DIRAS3: variants seen among roughly 807,000 people sequenced by gnomAD.
DIRAS3 encodes the protein GTP-binding protein Di-Ras3.
For synonymous variants in DIRAS3, 133 were observed against 131.4 expected, an observed-to-expected ratio of 1.01 and a Z score of -0.08; for missense variants, 248 against 300.6, an observed-to-expected ratio of 0.83 and a Z score of 1.29.
At chr1:68,049,210 G>A (rs1278954151) in intron 1 of DIRAS3, 1 of 152,098 alleles carries the variant, frequency 6.6e-6, no homozygotes, top group Non-Finnish European at 1.5e-5. Context: ...TTGATTAAAG[G>A]GGGCCAGGGA....
Position 68,046,654 on chromosome 1 carries a change from A to C in DIRAS3, c.644T>G (p.Met215Arg), listed in dbSNP as rs758219613. The C allele has an allele frequency of 1.2e-6, 2 of 1,613,986 alleles. No individual in the cohort carries two copies. The highest frequency in any genetic ancestry group is 2.7e-5 in the African/African-American group (2 of 74,910). ...AAGCAGCTTCTCAGTGGTGTTGGGC[A>C]TCTGGGATTTCTTCTCGGGCTCCTG... ...GLQEPEKKSQ[M>R]PNTTEKLLDK... The change falls in exon 2 of 2, where the codon ATG (methionine) becomes AGG (arginine). Residue 215 changes from methionine (M) to arginine (R), a missense_variant. Coordinates refer to ENST00000646789, the MANE Select transcript of DIRAS3 (RefSeq NM_004675.5).
In DIRAS3 at chr1:68,049,963, C is replaced by G. The variant is rs561050549; in HGVS notation, c.-66+585G>C. Among the ~76,000 whole-genome samples, 186 of 150,134 alleles carry G rather than the reference C, an allele frequency of 1.2e-3. 11 individuals are homozygous for G. The highest frequency in any genetic ancestry group is 4.3e-3 in the African/African-American group (173 of 40,076). ...AATTCTCATTCTCAGGCAGTGGACC[C>G]CCCCCCCCACTCCCCTCCACACTCC... is the stretch of plus-strand genomic sequence containing the variant. On this transcript the variant is annotated intron_variant, in intron 1 of 1. Transcript: ENST00000646789.
At position 68,046,624 on chromosome 1, in the gene DIRAS3, T is replaced by C. The variant is rs762814059; in HGVS notation, c.674A>G (p.Lys225Arg). 1.2e-6 allele frequency: 2 copies of C among 1,613,968 alleles called. No homozygotes were observed. The highest frequency in any genetic ancestry group is 1.7e-6 in the Non-Finnish European group (2 of 1,179,970). ...GCCCAGGGCTCACATGATTATGCAC[T>C]TGTCAAGCAGCTTCTCAGTGGTGTT... Reference protein sequence around the residue: ...MPNTTEKLLDKCIIM With the variant: ...MPNTTEKLLDRCIIM Residue 225 changes from lysine (K) to arginine (R), a missense_variant, in exon 2 of 2, where the codon AAG becomes AGG. Lys to Arg is a conservative substitution (Grantham distance 26). Transcript: ENST00000646789.
In DIRAS3 at chr1:68,047,081, T is replaced by C. The variant is rs1243057421; in HGVS notation, c.217A>G (p.Thr73Ala). The C allele has an allele frequency of 6.8e-6, 11 of 1,614,018 alleles. No individual in the cohort carries two copies. The highest frequency in any genetic ancestry group is 9.3e-6 in the Non-Finnish European group (11 of 1,180,026). ...RHEYLPTIEN[T>A]YCQLLGCSHG... ...CTGCAGCCCAGCAACTGGCAGTAGG[T>C]ATTTTCAATGGTCGGCAGGTACTCA... The change falls in exon 2 of 2, where the codon ACC becomes GCC. Residue 73 changes from threonine to alanine, a missense_variant. Thr to Ala is a moderately conservative substitution (Grantham distance 58). Coordinates refer to ENST00000646789, the MANE Select transcript of DIRAS3 (RefSeq NM_004675.5).
chr1:68,048,937 G>T (rs1325736619), intron 1 of DIRAS3, among the ~76,000 whole-genome samples: 4 of 151,726 alleles, frequency 2.6e-5, no homozygotes, highest in Non-Finnish European at 5.9e-5. Flanking sequence ...ACAGGGTTTT[G>T]CTATGTTGTC....
At position 68,046,123 on chromosome 1, in the gene DIRAS3, A is replaced by G. The variant is rs1570735757; in HGVS notation, c.*485T>C. On this transcript the variant is annotated 3_prime_UTR_variant, in exon 2 of 2. Coordinates refer to ENST00000646789, the MANE Select transcript of DIRAS3 (RefSeq NM_004675.5). ...TGCTCCCACACCCCTAATGATCAACATATTCATTTTTTTATTTAGTATATG... is the reference window on the plus strand; with the variant it reads ...TGCTCCCACACCCCTAATGATCAACGTATTCATTTTTTTATTTAGTATATG... 1 of 154,412 alleles carries G rather than the reference A, an allele frequency of 6.5e-6. No homozygotes were observed. The highest frequency in any genetic ancestry group is 2.4e-5 in the African/African-American group (1 of 41,464). 9.6% of individuals were successfully genotyped at this position (154,412 alleles called of 1,614,324 possible).
At position 68,050,222 on chromosome 1, in the gene DIRAS3, C is replaced by T. The variant is rs1330221305; in HGVS notation, c.-66+326G>A. 2.6e-5 allele frequency among the ~76,000 whole-genome samples: 4 copies of T among 152,220 alleles called. No homozygotes were observed. The highest frequency in any genetic ancestry group is 5.9e-5 in the Non-Finnish European group (4 of 68,042). Reference sequence around the variant, plus strand: ...TCAATCTTACTTTCACACTACATGACTCCACTATTACTTCCTGAACACTAG... The same window carrying T: ...TCAATCTTACTTTCACACTACATGATTCCACTATTACTTCCTGAACACTAG... On this transcript the variant is annotated intron_variant, in intron 1 of 1. Transcript: ENST00000646789. The surrounding 1 kb of genome is among the most constrained non-coding windows in gnomAD (Gnocchi z 4.5).
At chr1:68,048,544 G>GT (rs945851616) in intron 1 of DIRAS3, among the ~76,000 whole-genome samples, 1 of 152,104 alleles carries the variant, frequency 6.6e-6, no homozygotes, top group Non-Finnish European at 1.5e-5. Context: ...AGCTATGATT[G>GT]TGTCATGTAC....
Position 68,045,989 on chromosome 1 carries a change from C to T in DIRAS3, c.*619G>A, listed in dbSNP as rs957177011. 6.6e-6 allele frequency: 1 copy of T among 152,238 alleles called. No individual in the cohort carries two copies. The highest frequency in any genetic ancestry group is 2.4e-5 in the African/African-American group (1 of 41,462). 9.4% of individuals were successfully genotyped at this position (152,238 alleles called of 1,614,324 possible). Reference sequence around the variant, plus strand: ...GCATGCAGGAAAAGCTTTATTAAGTCAATAAGCTGTTACACTTTTACAAAC... The same window carrying T: ...GCATGCAGGAAAAGCTTTATTAAGTTAATAAGCTGTTACACTTTTACAAAC... On this transcript the variant is annotated 3_prime_UTR_variant, in exon 2 of 2. Coordinates refer to ENST00000646789, the MANE Select transcript of DIRAS3 (RefSeq NM_004675.5).
chr1:68,046,680 G>A lies in DIRAS3; in HGVS notation c.618C>T (p.Leu206=). ...LNYKKKPTTG[L]QEPEKKSQMP... ...TCTGGGATTTCTTCTCGGGCTCCTG[G>A]AGGCCGGTGGTGGGCTTTTTCTTGT... Residue 206 remains leucine, a synonymous_variant, in exon 2 of 2, where the codon CTC becomes CTT. Transcript: ENST00000646789. The A allele has an allele frequency of 6.2e-7, 1 of 1,614,200 alleles. No homozygotes were observed. Among genetic ancestry groups the A allele is most frequent in the South Asian group, 1.1e-5 (1 of 91,088 alleles).
chr1:68,047,870 G>A (rs1169565660), intron 1 of DIRAS3, among the ~76,000 whole-genome samples: 2 of 150,268 alleles, frequency 1.3e-5, no homozygotes, highest in East Asian at 2.0e-4. Context: ...CAGTGGTGTG[G>A]GATGTAGAGA....
rs1645679441 is a variant in DIRAS3 at position 68,046,978 on chromosome 1, G to A, written c.320C>T (p.Ala107Val). Reference protein sequence around the residue: ...GNRALQRHVIARGHAFVLVYS... With the variant: ...GNRALQRHVIVRGHAFVLVYS... ...GACCAGGACGAAGGCGTGGCCCCGG[G>A]CTATAACGTGGCGCTGCAGAGCGCG... The change falls in exon 2 of 2, where the codon GCC becomes GTC. Residue 107 changes from alanine to valine, a missense_variant. Transcript: ENST00000646789. 2 of 1,614,202 alleles carry A rather than the reference G, an allele frequency of 1.2e-6. No individual in the cohort carries two copies. Among genetic ancestry groups the A allele is most frequent in the Non-Finnish European group, 1.7e-6 (2 of 1,180,026 alleles).
In DIRAS3 at chr1:68,046,502, T is replaced by C. The variant is rs1295621194; in HGVS notation, c.*106A>G. 3 of 1,094,716 alleles carry C rather than the reference T, an allele frequency of 2.7e-6. No homozygotes were observed. The highest frequency in any genetic ancestry group is 2.6e-6 in the Non-Finnish European group (2 of 756,808). 67.8% of individuals were successfully genotyped at this position (1,094,716 alleles called of 1,614,324 possible). ...CGTATTGACAACATGGATGTTACAGTCCAAACAACAGCACAAAATCAACCA... is the reference window on the plus strand; with the variant it reads ...CGTATTGACAACATGGATGTTACAGCCCAAACAACAGCACAAAATCAACCA... On this transcript the variant is annotated 3_prime_UTR_variant, in exon 2 of 2. Transcript: ENST00000646789.
Position 68,047,289 on chromosome 1 carries a change from G to A in DIRAS3, c.9C>T (p.Asn3=), listed in dbSNP as rs758759400. 19 of 1,612,326 alleles carry A rather than the reference G, an allele frequency of 1.2e-5. No homozygotes were observed. The East Asian group carries it at 3.1e-4, about 26-fold the overall frequency. ...TCTGTTCCTTGGAGCCAAAGCTGGCGTTACCCATCGTTGGGATTCGGAGGG... is the reference window on the plus strand; with the variant it reads ...TCTGTTCCTTGGAGCCAAAGCTGGCATTACCCATCGTTGGGATTCGGAGGG... The part of the protein sequence containing the change: MG[N]ASFGSKEQKL... The change falls in exon 2 of 2, where the codon AAC becomes AAT. Residue 3 remains asparagine, a synonymous_variant. Transcript: ENST00000646789.
At chr1:68,048,052 ATAT>A (rs1645696528) in intron 1 of DIRAS3, among the ~76,000 whole-genome samples, 3 of 74,858 alleles carry the variant, frequency 4.0e-5, no homozygotes, top group African/African-American at 1.8e-4. Context: ...AAAAAAAAAT[ATAT>A]ATATATATAT....
Position 68,046,780 on chromosome 1 carries a change from C to T in DIRAS3, c.518G>A (p.Trp173Ter). The T allele has an allele frequency of 6.8e-6, 11 of 1,614,194 alleles. No individual in the cohort carries two copies. The highest frequency in any genetic ancestry group is 9.3e-6 in the Non-Finnish European group (11 of 1,180,050). The stretch of plus-strand genomic sequence containing the variant: ...TGAAATCTCCATGAAGGCGCAATTC[C>T]ACTCCATCGCACAGGTGGCACCATC... Reference protein sequence around the residue: ...LNDGATCAMEWNCAFMEISAK... With the variant: ...LNDGATCAME The change falls in exon 2 of 2, where the codon TGG becomes TAG. Residue 173 changes from tryptophan to a stop codon, truncating the protein, a stop_gained. Coordinates refer to ENST00000646789, the MANE Select transcript of DIRAS3 (RefSeq NM_004675.5). LOFTEE classifies it low-confidence loss of function (END_TRUNC).
intron 1 of DIRAS3, among the ~76,000 whole-genome samples, chr1:68,047,847 G>A (rs1326504647): frequency 6.7e-6 from 1 of 149,592 alleles, no homozygotes; most frequent in African/African-American, 2.5e-5. Context: ...AGAAAGGAGG[G>A]GGTTTTTGGT....
intron 1 of DIRAS3, among the ~76,000 whole-genome samples, chr1:68,048,651 A>G (rs911472764): frequency 1.3e-5 from 2 of 151,796 alleles, no homozygotes; most frequent in African/African-American, 2.4e-5. Context: ...ATACTCTCCC[A>G]GTACTGGGGA....
Position 68,046,267 on chromosome 1 carries a change from G to A in DIRAS3, c.*341C>T, listed in dbSNP as rs578210397. 2 of 197,726 alleles carry A rather than the reference G, an allele frequency of 1.0e-5. No homozygotes were observed. The highest frequency in any genetic ancestry group is 5.3e-5 in the Admixed American group (1 of 18,982). 12.2% of individuals were successfully genotyped at this position (197,726 alleles called of 1,614,324 possible). On this transcript the variant is annotated 3_prime_UTR_variant, in exon 2 of 2. Transcript: ENST00000646789. Reference sequence around the variant, plus strand: ...TATTTAAAGGTAATACACAATAATCGGGTTACCAAAAGGACGCCTTCCAAT... The same window carrying A: ...TATTTAAAGGTAATACACAATAATCAGGTTACCAAAAGGACGCCTTCCAAT...
Sources: gnomAD v4.1 joint callset for allele counts (sites outside exome capture counted in the v4.1 genomes callset) on GRCh38, gnomAD v4.1.1 for gene constraint, Gnocchi (gnomAD v3.1) non-coding constraint, MANE v1.5 for transcripts, NCBI Gene and HGNC (gene_info 2026-07-23, HGNC 2026-07-21) for gene names.